SNTG2: variants seen among roughly 807,000 people sequenced by gnomAD.
The protein encoded by SNTG2 is gamma-2-syntrophin.
Under a neutral mutation model 70.9 loss-of-function variants are expected in SNTG2, and 74 were observed. The ratio of observed to expected loss-of-function variants is 1.04; its 90% CI spans 0.86 to 1.27. The LOEUF (loss-of-function observed/expected upper bound fraction) is 1.27, where lower values mean the gene tolerates loss of function less well. Ranked by LOEUF, SNTG2 falls within the 50% of genes most tolerant of loss-of-function variation. SNTG2 has a pLI of 0.00. For synonymous variants in SNTG2, 278 were observed against 273.8 expected (o/e 1.02, Z -0.15); for missense variants, 717 against 690.7 (o/e 1.04, Z -0.43).
intron 1 of SNTG2, among the ~76,000 whole-genome samples, chr2:1,081,231 G>A (rs372659007): frequency 1.3e-5 from 2 of 152,204 alleles, no homozygotes; most frequent in Non-Finnish European, 2.9e-5. Context: ...TGTGTGCAGC[G>A]GAGTGGGGGA....
intron 9 of SNTG2, among the ~76,000 whole-genome samples, chr2:1,223,866 CGCAGCACACAGATGGGTGGCCTTAT>C (rs1558559290): frequency 6.6e-6 from 1 of 151,768 alleles, no homozygotes; most frequent in African/African-American, 2.4e-5. Context: ...GGTGGCCTTA[CGCAGCACACAGATGGGTGGCCTTAT>C]GCAGCAGACA....
chr2:1,141,116 A>C (rs1489325901), intron 6 of SNTG2, among the ~76,000 whole-genome samples: 2 of 152,186 alleles, frequency 1.3e-5, no homozygotes, highest in African/African-American at 4.8e-5. Context: ...CCATTCACAG[A>C]AATTGGCTCT....
chr2:1,159,438 A>G (rs1670131640), intron 6 of SNTG2: 1 of 152,192 alleles, frequency 6.6e-6, no homozygotes, highest in Admixed American at 6.5e-5. Context: ...CAAAATGACA[A>G]ATGCTTTTAA....
intron 2 of SNTG2, among the ~76,000 whole-genome samples, chr2:1,092,644 A>G (rs1665108101): frequency 6.6e-6 from 1 of 152,260 alleles, no homozygotes; most frequent in Non-Finnish European, 1.5e-5. Context: ...CCATTCATAC[A>G]TGTAATTCAG....
intron 9 of SNTG2, among the ~76,000 whole-genome samples, chr2:1,229,708 C>G (rs1676062088): frequency 6.6e-6 from 1 of 152,212 alleles, no homozygotes; most frequent in Admixed American, 6.5e-5. Context: ...GTGGGAGGCT[C>G]AGGCGTGGCG....
At chr2:1,241,642 C>T (rs1163608174) in intron 11 of SNTG2, among the ~76,000 whole-genome samples, 2 of 152,148 alleles carry the variant, frequency 1.3e-5, no homozygotes, top group Non-Finnish European at 2.9e-5. Flanking sequence ...CTTAATCCTC[C>T]TTATCATCAA....
intron 16 of SNTG2, among the ~76,000 whole-genome samples, 177 bp downstream of exon 16, chr2:1,316,552 G>A (rs2148264153): frequency 2.6e-5 from 1 of 38,296 alleles, no homozygotes; most frequent in East Asian, 5.9e-4. Flanking sequence ...GCCTGTCGAG[G>A]TCAAATATCC....
In SNTG2 at chr2:1,238,074, T is replaced by G. The variant is rs560806949; in HGVS notation, c.849+57T>G. ...ATGCTCATTCGTGCATGAAAAATAATGGAGACATCATGTTTCTGATGATTT... is the reference window on the plus strand; with the variant it reads ...ATGCTCATTCGTGCATGAAAAATAAGGGAGACATCATGTTTCTGATGATTT... On this transcript the variant is annotated intron_variant, in intron 10 of 16. Coordinates refer to ENST00000308624, the MANE Select transcript of SNTG2 (RefSeq NM_018968.4). 6 of 1,552,860 alleles carry G rather than the reference T, an allele frequency of 3.9e-6. No individual in the cohort carries two copies. In the African/African-American group the frequency reaches 8.1e-5, roughly 21 times the overall value.
At chr2:1,138,611 C>G (rs1171937522) in intron 6 of SNTG2, among the ~76,000 whole-genome samples, 1 of 151,964 alleles carries the variant, frequency 6.6e-6, no homozygotes, top group East Asian at 1.9e-4. Flanking sequence ...TGATAAGTGA[C>G]CTGGGGGACA....
chr2:1,247,298 C>A, intron 11 of SNTG2, 29 bp from the exon 12 acceptor site: 2 of 1,426,830 alleles, frequency 1.4e-6, no homozygotes, highest in Non-Finnish European at 2.0e-6. Context: ...CTCATTAAGG[C>A]TTGGTTTGTA....
chr2:1,189,324 A>C (rs1220557628), intron 8 of SNTG2, among the ~76,000 whole-genome samples: 2 of 152,158 alleles, frequency 1.3e-5, no homozygotes, highest in Non-Finnish European at 2.9e-5. Context: ...TATACATTCC[A>C]AGAAGTGTCA....
At chr2:1,330,797 C>T (rs551599159) in intron 16 of SNTG2, among the ~76,000 whole-genome samples, 55 of 152,294 alleles carry the variant, frequency 3.6e-4, no homozygotes, top group Admixed American at 2.4e-3. Flanking sequence ...ATAAATCCAG[C>T]GGGTGTTGCC....
intron 6 of SNTG2, chr2:1,161,687 C>T (rs754974327): frequency 5.3e-4 from 80 of 152,240 alleles, no homozygotes; most frequent in Admixed American, 1.3e-3. Flanking sequence ...TTGTCTTGTT[C>T]GGGTATTTTA....
In SNTG2 at chr2:1,095,039, T is replaced by C. The variant is rs1665297273; in HGVS notation, c.211-3157T>C. 2.3e-5 allele frequency among the ~76,000 whole-genome samples: 3 copies of C among 133,314 alleles called. No homozygotes were observed. In the Admixed American group the frequency reaches 2.8e-4, roughly 12 times the overall value. The allele number at this position is 133,314 out of a possible 152,430, so 87.5% of individuals were successfully genotyped here. On this transcript the variant is annotated intron_variant, in intron 2 of 16. Coordinates refer to ENST00000308624, the MANE Select transcript of SNTG2 (RefSeq NM_018968.4). The stretch of plus-strand genomic sequence containing the variant: ...GCCTTATATGTGTGTCCTCACATGG[T>C]AGAGACAGCGAGGTGGGGGTGGGGA...
intron 11 of SNTG2, among the ~76,000 whole-genome samples, chr2:1,246,310 C>T (rs952583042): frequency 6.6e-6 from 1 of 152,212 alleles, no homozygotes; most frequent in Admixed American, 6.5e-5. Flanking sequence ...TCTAGCATCT[C>T]GACTTCCCAG....
At chr2:1,229,943 CCG>C (rs1676091012) in intron 9 of SNTG2, among the ~76,000 whole-genome samples, 1 of 152,198 alleles carries the variant, frequency 6.6e-6, no homozygotes, top group Non-Finnish European at 1.5e-5. Flanking sequence ...CCCGCAAGCG[CCG>C]CACGCAGCCC....
intron 1 of SNTG2, among the ~76,000 whole-genome samples, chr2:1,016,867 C>T (rs1230413105): frequency 6.6e-6 from 1 of 152,186 alleles, no homozygotes; most frequent in Non-Finnish European, 1.5e-5. Flanking sequence ...CCTCAGTGCA[C>T]AGCCTCTGCA....
chr2:967,131 G>C (rs958170437), intron 1 of SNTG2, among the ~76,000 whole-genome samples: 1 of 152,198 alleles, frequency 6.6e-6, no homozygotes, highest in Non-Finnish European at 1.5e-5. Flanking sequence ...TATGCGCCCT[G>C]TTCAGGCAGA....
At chr2:1,221,014 C>T (rs906270453) in intron 9 of SNTG2, among the ~76,000 whole-genome samples, 4 of 152,270 alleles carry the variant, frequency 2.6e-5, no homozygotes, top group African/African-American at 7.2e-5. Flanking sequence ...AACAGATGTG[C>T]GGAGCAGCTC....
Sources: allele counts gnomAD v4.1 joint callset (sites outside exome capture counted in the v4.1 genomes callset), GRCh38; gene constraint gnomAD v4.1.1; transcripts MANE v1.5; gene names NCBI Gene and HGNC (gene_info 2026-07-23, HGNC 2026-07-21).